The following NAA38 variants were observed in gnomAD, a reference collection of about 807,000 sequenced individuals.
NAA38 encodes the protein N-alpha-acetyltransferase 38, NatC auxiliary subunit.
A neutral mutation model predicts 12.6 loss-of-function variants in NAA38; 15 were observed. The observed-to-expected ratio is 1.19, with a 90% CI of 0.79 to 1.83. The LOEUF is 1.83. Among genes scored for constraint, NAA38 ranks in the 40% most tolerant of loss-of-function variants. NAA38 has a pLI of 0.00. For missense variants in NAA38, 183 were observed against 171.7 expected, an observed-to-expected ratio of 1.07 and a Z score of -0.37; for synonymous variants, 88 against 69.9, an observed-to-expected ratio of 1.26 and a Z score of -1.29.
chr17:7,882,361 C>T (rs549929479), intron 2 of NAA38, among the ~76,000 whole-genome samples: 16 of 152,112 alleles, frequency 1.1e-4, no homozygotes. Context: ...GAGGGGGAGT[C>T]AGGCACACAT....
At chr17:7,858,800 C>G (rs1198215871), upstream of NAA38, 2 of 1,563,430 alleles carry the variant, frequency 1.3e-6, no homozygotes, top group South Asian at 2.4e-5. Context: ...TTAACACGCT[C>G]ACGTCGCAGG....
chr17:7,881,284 CAAAAG>C (rs959650822), intron 2 of NAA38, among the ~76,000 whole-genome samples: 74 of 151,582 alleles, frequency 4.9e-4, no homozygotes, highest in African/African-American at 1.3e-3. Flanking sequence ...GAAAAAGAAA[CAAAAG>C]AAGAGAGAAA....
chr17:7,882,387 A>G (rs1219961491), intron 2 of NAA38, among the ~76,000 whole-genome samples: 1 of 152,212 alleles, frequency 6.6e-6, no homozygotes, highest in Non-Finnish European at 1.5e-5. Flanking sequence ...AGAGCCACAC[A>G]CAGTCAGAGA....
At chr17:7,870,384 T>C (rs757871946) in intron 2 of NAA38, among the ~76,000 whole-genome samples, 2 of 152,198 alleles carry the variant, frequency 1.3e-5, no homozygotes, top group African/African-American at 4.8e-5. Flanking sequence ...ATGATATTCC[T>C]TACTCAGTGA....
intron 1 of NAA38, chr17:7,884,865 A>T: frequency 8.1e-7 from 1 of 1,228,148 alleles, no homozygotes; most frequent in Non-Finnish European, 1.1e-6. Flanking sequence ...GTGTCGGAGG[A>T]GGAAGAAGAG....
At chr17:7,885,316 G>GCCGCCA (rs1967693088), upstream of NAA38, 2 of 141,072 alleles carry the variant, frequency 1.4e-5, no homozygotes, top group African/African-American at 6.6e-5. Context: ...CCCCGCCGCC[G>GCCGCCA]CCGCCGCCGC....
intron 2 of NAA38, among the ~76,000 whole-genome samples, chr17:7,867,611 T>A (rs534272247): frequency 6.6e-6 from 1 of 152,152 alleles, no homozygotes; most frequent in African/African-American, 2.4e-5. Flanking sequence ...GGATTACAGG[T>A]GTGAGCCACT....
intron 3 of NAA38, chr17:7,863,527 A>G (rs1001504463): frequency 1.3e-5 from 2 of 152,226 alleles, no homozygotes; most frequent in East Asian, 3.8e-4. Context: ...AAGCATGCAC[A>G]CATGAAAAGA....
intron 1 of NAA38, chr17:7,884,694 C>CCGAGGA: frequency 6.0e-6 from 2 of 335,054 alleles, no homozygotes. Context: ...GACGCCGCCG[C>CCGAGGA]CGAGGAGGAG....
chr17:7,860,735 T>C (rs1267430603), upstream of NAA38: 1 of 152,184 alleles, frequency 6.6e-6, no homozygotes, highest in Non-Finnish European at 1.5e-5. Context: ...GGAAGGGAGT[T>C]TGCAGAGTTC....
chr17:7,857,615 G>C (rs772324997), upstream of NAA38: 43 of 1,364,096 alleles, frequency 3.2e-5, no homozygotes, highest in Non-Finnish European at 4.0e-5. Flanking sequence ...CAGATCTCGC[G>C]AGCTTCTCCT....
At position 7,856,728 on chromosome 17, in the gene NAA38, T is replaced by G. The variant is rs1474894461; in HGVS notation, c.*3A>C. 6.2e-7 allele frequency: 1 copy of G among 1,610,936 alleles called. No homozygotes were observed. The highest frequency in any genetic ancestry group is 8.5e-7 in the Non-Finnish European group (1 of 1,177,240). ...GAAGTCTGAAAGGTAAGCGCCATCG[T>G]GGTCAGAGATACGGAGGCCCGGTCA... On this transcript the variant is annotated 3_prime_UTR_variant, in exon 3 of 3. Coordinates refer to ENST00000575771, the MANE Select transcript of NAA38 (RefSeq NM_001320925.4).
intron 2 of NAA38, among the ~76,000 whole-genome samples, chr17:7,872,458 G>A (rs915836682): frequency 4.6e-5 from 7 of 152,108 alleles, no homozygotes; most frequent in African/African-American, 1.4e-4. Context: ...CAACCTCCGC[G>A]TTCAGGTGAT....
At chr17:7,869,411 G>A (rs1373315451) in intron 2 of NAA38, among the ~76,000 whole-genome samples, 2 of 152,096 alleles carry the variant, frequency 1.3e-5, no homozygotes, top group African/African-American at 4.8e-5. Context: ...TACAGTTTTG[G>A]AATATAGAAT....
At chr17:7,859,884 C>T (rs2078870155), upstream of NAA38, 1 of 457,954 alleles carries the variant, frequency 2.2e-6, no homozygotes, top group African/African-American at 2.0e-5. Context: ...AGTCAGAGTT[C>T]AGGCAGAACT....
Position 7,867,816 on chromosome 17 carries a change from C to G in NAA38, c.-65-1258G>C, listed in dbSNP as rs575214510. Reference sequence around the variant, plus strand: ...GAACTAGGTTAGTGGCAGTGGAGATCGGAGATGAAATGAAGAGAGAATTGC... The same window carrying G: ...GAACTAGGTTAGTGGCAGTGGAGATGGGAGATGAAATGAAGAGAGAATTGC... On this transcript the variant is annotated intron_variant, in intron 2 of 4. Coordinates refer to the NAA38 transcript ENST00000576861. 7.2e-5 allele frequency among the ~76,000 whole-genome samples: 11 copies of G among 152,192 alleles called. 1 individual carries two copies. The East Asian group carries it at 1.7e-3, about 24-fold the overall frequency.
chr17:7,863,213 C>T (rs945371657), intron 3 of NAA38: 2 of 152,190 alleles, frequency 1.3e-5, no homozygotes, highest in African/African-American at 4.8e-5. Context: ...GCTTTGTTCT[C>T]TAAATAGCCA....
chr17:7,857,179 T>G lies in NAA38; in HGVS notation c.101A>C (p.Glu34Ala). Residue 34 changes from glutamate (E) to alanine (A), a missense_variant, in exon 2 of 3, where the codon GAG becomes GCG. Glu to Ala is a moderately radical substitution (Grantham distance 107). Coordinates refer to ENST00000575771, the MANE Select transcript of NAA38 (RefSeq NM_001320925.4). ...TCGGGCGCGCTCAGCCGCCGAGTCC[T>G]CGCGCTCTCCGTCCGAATCCTGCGC... ...SSAGDSDGER[E>A]DSAAERARQQ... is the part of the protein sequence containing the mutation. 6.2e-7 allele frequency: 1 copy of G among 1,613,146 alleles called. No homozygotes were observed.
At chr17:7,882,683 G>T (rs1400556006) in intron 2 of NAA38, among the ~76,000 whole-genome samples, 2 of 151,330 alleles carry the variant, frequency 1.3e-5, no homozygotes, top group Admixed American at 6.6e-5. Context: ...CCAAAGGCCA[G>T]GTTAAAAAAA....
Sources: gnomAD v4.1 joint callset for allele counts (sites outside exome capture counted in the v4.1 genomes callset) on GRCh38, gnomAD v4.1.1 for gene constraint, MANE v1.5 for transcripts, NCBI Gene and HGNC (gene_info 2026-07-23, HGNC 2026-07-21) for gene names.